TTLL1: variants seen among roughly 807,000 people sequenced by gnomAD.
TTLL1 encodes the protein TTL family tubulin polyglutamylase complex subunit L1.
In TTLL1, 33 loss-of-function variants were observed where a neutral mutation model predicts 47.8. That is an observed-to-expected ratio of 0.69 (90% CI 0.52 to 0.92). The LOEUF is 0.92. Among genes scored for constraint, TTLL1 ranks in the 40% least tolerant of loss-of-function variants. The pLI, the probability that TTLL1 is intolerant of heterozygous loss-of-function variation, is 0.00. For missense variants in TTLL1, 488 were observed against 547.5 expected (o/e 0.89, Z 1.08); for synonymous variants, 225 against 214.1 (o/e 1.05, Z -0.45).
chr22:43,051,870 G>C lies in TTLL1; in HGVS notation c.909C>G (p.Asp303Glu). 1 of 1,614,010 alleles carries C rather than the reference G, an allele frequency of 6.2e-7. No individual in the cohort carries two copies. The highest frequency in any genetic ancestry group is 8.5e-7 in the Non-Finnish European group (1 of 1,180,000). The change falls in exon 9 of 11, where the codon GAC (aspartate) becomes GAG (glutamate). Residue 303 changes from aspartate (D) to glutamate (E), a missense_variant. Physicochemically the swap from Asp to Glu is conservative, Grantham distance 45. Coordinates refer to ENST00000266254, the MANE Select transcript of TTLL1 (RefSeq NM_012263.5). ...LKAVAPVMNNDKHCFECYGYD... is the reference protein window; with the variant it reads ...LKAVAPVMNNEKHCFECYGYD... ...AGCCATAGCATTCAAAGCAGTGCTT[G>C]TCATTGTTCATCACCGGCTGGAGAG...
chr22:43,060,819 C>A (rs1018042367), intron 7 of TTLL1, among the ~76,000 whole-genome samples: 4 of 152,188 alleles, frequency 2.6e-5, no homozygotes, highest in Non-Finnish European at 4.4e-5. Context: ...AAAGTGAGAA[C>A]CATGAACTAA....
At chr22:43,058,144 C>T (rs1381102453) in intron 8 of TTLL1, among the ~76,000 whole-genome samples, 2 of 151,966 alleles carry the variant, frequency 1.3e-5, no homozygotes, top group African/African-American at 4.8e-5. Context: ...CGGGGTTTCA[C>T]CCTGTTAGCC....
At chr22:43,044,880 G>A (rs1228868581) in intron 10 of TTLL1, among the ~76,000 whole-genome samples, 1 of 124,454 alleles carries the variant, frequency 8.0e-6, no homozygotes, top group Admixed American at 8.4e-5. Flanking sequence ...TTTTTTTTTT[G>A]GAGACAGAGT....
rs1387919549 is a variant in TTLL1, at chr22:43,051,855, T to C, written c.924A>G (p.Glu308=). ...CGATGATGATGTCGTAGCCATAGCA[T>C]TCAAAGCAGTGCTTGTCATTGTTCA... ...PVMNNDKHCF[E]CYGYDIIIDD... is the part of the protein sequence containing the mutation. The change falls in exon 9 of 11, where the codon GAA becomes GAG. Residue 308 remains glutamate (E), a synonymous_variant. Coordinates refer to ENST00000266254, the MANE Select transcript of TTLL1 (RefSeq NM_012263.5). 1 of 1,614,028 alleles carries C rather than the reference T, an allele frequency of 6.2e-7. No individual in the cohort carries two copies. The highest frequency in any genetic ancestry group is 1.6e-4 in the Middle Eastern group (1 of 6,062).
In TTLL1 at chr22:43,080,902, C is replaced by CTTT. The variant is rs10529079; in HGVS notation, c.-89-919_-89-917dup. Among the ~76,000 whole-genome samples, 541 of 69,188 alleles carry CTTT rather than the reference C, an allele frequency of 7.8e-3. 101 individuals carry two copies. Among genetic ancestry groups the CTTT allele is most frequent in the Admixed American group, 0.028 (146 of 5,198 alleles). The allele number at this position is 69,188 out of a possible 152,430, so 45.4% of individuals were successfully genotyped here. On this transcript the variant is annotated intron_variant, in intron 1 of 10. Transcript: ENST00000266254. ...GTCACCTGTTCCCAGTGTTGCATGA[C>CTTT]TTTTTTTTTTTTTTTTTTTTTTTTT...
chr22:43,054,423 CTTTTTTTTTT>C (rs767193512), intron 8 of TTLL1, among the ~76,000 whole-genome samples: 7 of 139,248 alleles, frequency 5.0e-5, no homozygotes, highest in African/African-American at 1.8e-4. Flanking sequence ...GACATAATCT[CTTTTTTTTTT>C]TTTTTTTTGA....
intron 8 of TTLL1, among the ~76,000 whole-genome samples, chr22:43,053,791 C>A (rs1417382363): frequency 1.3e-5 from 2 of 152,230 alleles, no homozygotes; most frequent in Non-Finnish European, 2.9e-5. Flanking sequence ...CTTTTCAGTT[C>A]AGGAAACTGA....
rs10529079 is a variant in TTLL1 at position 43,080,902 on chromosome 22, C to CTTTTTTTTTTTTTTTT, written c.-89-932_-89-917dup. On this transcript the variant is annotated intron_variant, in intron 1 of 10. Coordinates refer to ENST00000266254, the MANE Select transcript of TTLL1 (RefSeq NM_012263.5). ...GTCACCTGTTCCCAGTGTTGCATGACTTTTTTTTTTTTTTTTTTTTTTTTT... is the reference window on the plus strand; with the variant it reads ...GTCACCTGTTCCCAGTGTTGCATGACTTTTTTTTTTTTTTTTTTTTTTTTTTTTTTTTTTTTTTTTT... Among the ~76,000 whole-genome samples the CTTTTTTTTTTTTTTTT allele has an allele frequency of 1.4e-3, 100 of 69,296 alleles. 29 individuals are homozygous for CTTTTTTTTTTTTTTTT. The highest frequency in any genetic ancestry group is 1.8e-3 in the Non-Finnish European group (68 of 37,976). The allele number at this position is 69,296 out of a possible 152,430, so 45.5% of individuals were successfully genotyped here. A position where few individuals can be genotyped will look rare whatever the true frequency, so the allele number is the denominator to read the frequency against.
chr22:43,075,387 T>C (rs2146986784), intron 3 of TTLL1, 87 bp downstream of exon 3: 3 of 1,109,094 alleles, frequency 2.7e-6, no homozygotes, highest in African/African-American at 3.1e-5. Flanking sequence ...ACAGTGGCTC[T>C]GAGGCCACTC....
At chr22:43,059,262 G>T in intron 8 of TTLL1, 122 bp downstream of exon 8, 1 of 1,391,682 alleles carries the variant, frequency 7.2e-7, no homozygotes, top group Non-Finnish European at 9.6e-7. Context: ...CCAGCTTGCT[G>T]GGATTACAGG....
chr22:43,085,549 T>C (rs886534059), intron 1 of TTLL1, among the ~76,000 whole-genome samples: 4 of 152,026 alleles, frequency 2.6e-5, no homozygotes, highest in African/African-American at 9.7e-5. Flanking sequence ...TAAATGCGAG[T>C]TCCCCTGCAC....
intron 1 of TTLL1, among the ~76,000 whole-genome samples, chr22:43,086,304 A>G (rs1039914714): frequency 6.6e-6 from 1 of 152,180 alleles, no homozygotes; most frequent in Admixed American, 6.6e-5. Flanking sequence ...GCAGCTCACA[A>G]TTGGAGTTGG....
At chr22:43,054,118 A>C (rs1258033983) in intron 8 of TTLL1, among the ~76,000 whole-genome samples, 2 of 152,170 alleles carry the variant, frequency 1.3e-5, no homozygotes, top group South Asian at 4.1e-4. Flanking sequence ...TCTTGAGCAA[A>C]GTCCCCTGTC....
chr22:43,086,923 A>T (rs894400571), intron 1 of TTLL1, among the ~76,000 whole-genome samples: 1 of 152,184 alleles, frequency 6.6e-6, no homozygotes, highest in Non-Finnish European at 1.5e-5. Flanking sequence ...TGCATTCAGA[A>T]TGAAGCTAGT....
intron 7 of TTLL1, among the ~76,000 whole-genome samples, chr22:43,062,278 G>T (rs1440941400): frequency 6.6e-6 from 1 of 151,190 alleles, no homozygotes; most frequent in Non-Finnish European, 1.5e-5. Context: ...GGATCACGAG[G>T]TCAAGAGATC....
In TTLL1 at chr22:43,061,072, C is replaced by T. The variant is rs150543551; in HGVS notation, c.748-1545G>A. Among the ~76,000 whole-genome samples, 322 of 152,100 alleles carry T rather than the reference C, an allele frequency of 2.1e-3. 2 individuals carry two copies. The highest frequency in any genetic ancestry group is 7.2e-3 in the African/African-American group (300 of 41,506). ...AGGTGTGGTGGCGTGCACCTGTAAC[C>T]CCAGTTACTCGGGGGGCTGAGGCAG... On this transcript the variant is annotated intron_variant, in intron 7 of 10. Coordinates refer to ENST00000266254, the MANE Select transcript of TTLL1 (RefSeq NM_012263.5).
At chr22:43,074,217 G>A (rs970705815) in intron 3 of TTLL1, among the ~76,000 whole-genome samples, 7 of 149,228 alleles carry the variant, frequency 4.7e-5, no homozygotes, top group African/African-American at 1.2e-4. Context: ...ACCTGAGGTC[G>A]GGAGTTCGAG....
At position 43,039,838 on chromosome 22, in the gene TTLL1, G is replaced by C; in HGVS notation, c.1210C>G (p.Leu404Val). The C allele has an allele frequency of 6.2e-7, 1 of 1,614,072 alleles. No individual in the cohort carries two copies. The highest frequency in any genetic ancestry group is 1.1e-5 in the South Asian group (1 of 91,082). ...RELRSRQGQSLGPRAGRSRDS... is the reference protein window; with the variant it reads ...RELRSRQGQSVGPRAGRSRDS... Reference sequence around the variant, plus strand: ...CTCGATCGGCCTGCTCTGGGCCCCAGAGACTGACCCTGACGGCTTCTCAGC... The same window carrying C: ...CTCGATCGGCCTGCTCTGGGCCCCACAGACTGACCCTGACGGCTTCTCAGC... Residue 404 changes from leucine to valine, a missense_variant, in exon 11 of 11, where the codon CTG becomes GTG. By Grantham distance (32) the Leu-to-Val change is conservative (BLOSUM62 1). Transcript: ENST00000266254.
chr22:43,056,225 G>A (rs1429077786), intron 8 of TTLL1, among the ~76,000 whole-genome samples: 2 of 151,834 alleles, frequency 1.3e-5, no homozygotes, highest in African/African-American at 4.8e-5. Flanking sequence ...TGGGCGTGGT[G>A]GCGCGCACTT....
Sources: allele counts gnomAD v4.1 joint callset (sites outside exome capture counted in the v4.1 genomes callset), GRCh38; gene constraint gnomAD v4.1.1; transcripts MANE v1.5; gene names NCBI Gene and HGNC (gene_info 2026-07-23, HGNC 2026-07-21).